DMD: variants seen among roughly 807,000 people sequenced by gnomAD.
The protein encoded by DMD is dystrophin.
In DMD, 63 loss-of-function variants were observed where a neutral mutation model predicts 330.1. The observed-to-expected ratio is 0.19, with a 90% CI of 0.16 to 0.24. The LOEUF (loss-of-function observed/expected upper bound fraction) is 0.24, where lower values mean the gene tolerates loss of function less well. Ranked by LOEUF, DMD falls within the 10% of genes least tolerant of loss-of-function variation. The pLI, the probability that DMD is intolerant of heterozygous loss-of-function variation, is 1.00. For synonymous variants in DMD, 1,223 were observed against 959.8 expected, an observed-to-expected ratio of 1.27 and a Z score of -5.07; for missense variants, 3,344 against 2,684.1, an observed-to-expected ratio of 1.25 and a Z score of -5.43.
At chrX:31,967,154 A>C (rs1191564423) in intron 45 of DMD, among the ~76,000 whole-genome samples, 1 of 110,837 alleles carries the variant, frequency 9.0e-6, no homozygotes, top group Non-Finnish European at 1.9e-5. Context: ...GGAAAAAAGT[A>C]TATGACTTAC....
At chrX:32,825,968 T>TAA (rs59078871) in intron 4 of DMD, among the ~76,000 whole-genome samples, 53,329 of 108,977 alleles carry the variant, frequency 0.49, 9,683 homozygotes, top group Admixed American at 0.54. Context: ...GAAATATACT[T>TAA]AAAGCCACTG....
intron 54 of DMD, among the ~76,000 whole-genome samples, chrX:31,649,024 AAAATAT>A (rs2080280820): frequency 8.9e-6 from 1 of 111,840 alleles, no homozygotes; most frequent in African/African-American, 3.2e-5. Flanking sequence ...AAATAAAATG[AAAATAT>A]AAATATAATT....
At chrX:32,078,336 C>T (rs966974608) in intron 44 of DMD, among the ~76,000 whole-genome samples, 6 of 111,809 alleles carry the variant, frequency 5.4e-5, no homozygotes, top group Admixed American at 2.9e-4. Flanking sequence ...CCAGTACAAT[C>T]GTCCTTGTCC....
At chrX:32,542,892 T>C (rs1233077617) in intron 17 of DMD, among the ~76,000 whole-genome samples, 1 of 111,865 alleles carries the variant, frequency 8.9e-6, no homozygotes, top group Non-Finnish European at 1.9e-5. Flanking sequence ...GTTGATGCTA[T>C]ATATAATTAT....
At chrX:31,319,703 G>A (rs772237471) in intron 62 of DMD, among the ~76,000 whole-genome samples, 34 of 112,531 alleles carry the variant, frequency 3.0e-4, no homozygotes, top group Non-Finnish European at 5.3e-4. Context: ...GACCCAGTGT[G>A]ATATTTCTTA....
At chrX:31,190,618 A>AGGG (rs2042242054) in intron 67 of DMD, among the ~76,000 whole-genome samples, 1 of 3,989 alleles carries the variant, frequency 2.5e-4, no homozygotes. Context: ...GGGGAGGGGG[A>AGGG]GGGCGGGGAG....
chrX:31,350,905 C>G (rs2058371649), intron 60 of DMD, among the ~76,000 whole-genome samples: 1 of 110,286 alleles, frequency 9.1e-6, no homozygotes. Flanking sequence ...AGGTCCTAAA[C>G]AGAACAAAAA....
At chrX:32,342,809 T>C (rs1298849106) in intron 40 of DMD, 2 of 362,452 alleles carry the variant, frequency 5.5e-6, no homozygotes, top group Non-Finnish European at 1.0e-5. Flanking sequence ...TGGGCTAACA[T>C]GAGTAAGAAG....
intron 55 of DMD, among the ~76,000 whole-genome samples, chrX:31,624,855 T>C: frequency 8.9e-6 from 1 of 112,145 alleles, no homozygotes; most frequent in East Asian, 2.8e-4. Context: ...AAATAAAAAT[T>C]CATAGAGGAA....
chrX:32,462,695 C>A lies in DMD; in HGVS notation c.3432+744G>T, dbSNP rs369328612. Among the ~76,000 whole-genome samples the A allele has an allele frequency of 3.9e-3, 437 of 110,741 alleles. 2 individuals are homozygous for A. The highest frequency in any genetic ancestry group is 0.014 in the Middle Eastern group (3 of 211). On this transcript the variant is annotated intron_variant, in intron 25 of 78. Transcript: ENST00000357033. ...TGTCAGCCAGGTGTGGTAACTCACACCTATAATTCCAGCATTTTGGGAGGC... is the reference window on the plus strand; with the variant it reads ...TGTCAGCCAGGTGTGGTAACTCACAACTATAATTCCAGCATTTTGGGAGGC...
chrX:32,643,326 T>A (rs2059588548), intron 11 of DMD, among the ~76,000 whole-genome samples: 1 of 108,630 alleles, frequency 9.2e-6, no homozygotes, highest in Non-Finnish European at 1.9e-5. Flanking sequence ...ATCTAATGAG[T>A]TTCCTTGGTC....
intron 7 of DMD, among the ~76,000 whole-genome samples, chrX:32,725,914 C>T (rs150703510): frequency 2.1e-4 from 23 of 110,868 alleles, no homozygotes; most frequent in African/African-American, 7.2e-4. Flanking sequence ...TTACTGCATG[C>T]CTTTATCAAA....
At chrX:33,041,392 A>T in intron 1 of DMD, 2 of 1,190,281 alleles carry the variant, frequency 1.7e-6, no homozygotes, top group South Asian at 3.6e-5. Context: ...GGCTCGAGGG[A>T]CCATGGCCGA....
At position 33,130,641 on chromosome X, in the gene DMD, G is replaced by A. The variant is rs1015717503; in HGVS notation, c.31+80641C>T. Among the ~76,000 whole-genome samples the A allele has an allele frequency of 1.3e-4, 14 of 109,168 alleles. 1 individual carries two copies. Among genetic ancestry groups the A allele is most frequent in the Non-Finnish European group, 2.3e-4 (12 of 52,662 alleles). The allele number at this position is 109,168 out of a possible 115,157, so 94.8% of individuals were successfully genotyped here. A position where few individuals can be genotyped will look rare whatever the true frequency, so the allele number is the denominator to read the frequency against. ...GTGATCTCGGCTCACCGCAACCTCT[G>A]CCTCCCGGGTTCAAGCGATTCTCCT... On this transcript the variant is annotated intron_variant, in intron 1 of 78. Transcript: ENST00000357033.
chrX:31,460,736 C>A (rs898745258), intron 59 of DMD, among the ~76,000 whole-genome samples: 1 of 110,985 alleles, frequency 9.0e-6, no homozygotes, highest in Non-Finnish European at 1.9e-5. Context: ...CACATGCCAC[C>A]ACACCTGGTT....
intron 44 of DMD, among the ~76,000 whole-genome samples, chrX:32,196,691 A>C (rs2097002094): frequency 9.0e-6 from 1 of 111,082 alleles, no homozygotes; most frequent in African/African-American, 3.3e-5. Flanking sequence ...GATCATGATA[A>C]AACAAGACAG....
chrX:33,312,767 T>C (rs369281458), intron 1 of DMD, among the ~76,000 whole-genome samples: 4 of 111,453 alleles, frequency 3.6e-5, no homozygotes, highest in South Asian at 7.6e-4. Context: ...TCTTATTGAA[T>C]ATATATTATT....
At chrX:31,252,540 C>T (rs1448141737) in intron 63 of DMD, among the ~76,000 whole-genome samples, 1 of 110,917 alleles carries the variant, frequency 9.0e-6, no homozygotes, top group Non-Finnish European at 1.9e-5. Context: ...CATTATTTCC[C>T]AAATCAAAAA....
chrX:31,543,704 C>T (rs181950716), intron 55 of DMD, among the ~76,000 whole-genome samples: 141 of 111,543 alleles, frequency 1.3e-3, no homozygotes, highest in African/African-American at 4.5e-3. Flanking sequence ...AGCATTTTTA[C>T]GAGGAAAAAA....
Sources: gnomAD v4.1 joint callset for allele counts (sites outside exome capture counted in the v4.1 genomes callset) on GRCh38, gnomAD v4.1.1 for gene constraint, MANE v1.5 for transcripts, NCBI Gene and HGNC (gene_info 2026-07-23, HGNC 2026-07-21) for gene names.